Variants in HDAC4 observed in about 807,000 individuals in gnomAD.
HDAC4 encodes histone deacetylase 4.
In HDAC4, 16 loss-of-function variants were observed where a neutral mutation model predicts 135.1. The observed-to-expected ratio is 0.12, with a 90% CI of 0.08 to 0.18. The LOEUF is 0.18. Among genes scored for constraint, HDAC4 ranks in the 10% least tolerant of loss-of-function variants. The probability of loss-of-function intolerance (pLI) is 1.00; values close to 1 mark genes in which losing one functional copy is unlikely to be tolerated. For missense variants in HDAC4, 1,143 were observed against 1,511.8 expected (o/e 0.76, Z 4.05); for synonymous variants, 685 against 653.4 (o/e 1.05, Z -0.74).
intron 22 of HDAC4, among the ~76,000 whole-genome samples, chr2:239,080,570 A>G (rs2035212768): frequency 8.3e-6 from 1 of 120,738 alleles, no homozygotes; most frequent in Non-Finnish European, 1.7e-5. Context: ...TTGATGACAA[A>G]AGCAAACACT....
At chr2:239,153,335 TA>T (rs1332109219) in intron 7 of HDAC4, among the ~76,000 whole-genome samples, 1 of 152,248 alleles carries the variant, frequency 6.6e-6, no homozygotes, top group African/African-American at 2.4e-5. Flanking sequence ...TAAGTTAATG[TA>T]AAATCAAAAT....
chr2:239,259,270 G>A (rs1365951778), intron 2 of HDAC4, among the ~76,000 whole-genome samples: 1 of 152,176 alleles, frequency 6.6e-6, no homozygotes, highest in Non-Finnish European at 1.5e-5. Context: ...GCAACAAGGT[G>A]AAACCCTGTC....
At chr2:239,117,862 T>A (rs1452590680) in intron 12 of HDAC4, among the ~76,000 whole-genome samples, 1 of 152,132 alleles carries the variant, frequency 6.6e-6, no homozygotes, top group Non-Finnish European at 1.5e-5. Context: ...CGGCACCGCA[T>A]CCGACTGTTT....
rs114860614 is a variant in HDAC4, at chr2:239,084,181, C to T, written c.2506G>A (p.Val836Met). ...AAKLLQQRLSVSKILIVDWDV... is the reference protein window; with the variant it reads ...AAKLLQQRLSMSKILIVDWDV... ...CAGTCCACGATGAGGATCTTGCTCACGCTCAACCTCTGCTGCAGAAGCTTG... is the reference window on the plus strand; with the variant it reads ...CAGTCCACGATGAGGATCTTGCTCATGCTCAACCTCTGCTGCAGAAGCTTG... Residue 836 changes from valine (V) to methionine (M), a missense_variant, in exon 20 of 27, where the codon GTG becomes ATG. Transcript: ENST00000543185. 324 of 1,613,422 alleles carry T rather than the reference C, an allele frequency of 2.0e-4. 1 individual carries two copies. In the East Asian group the frequency reaches 5.5e-3, roughly 27 times the overall value.
chr2:239,202,399 G>A (rs542622273), intron 3 of HDAC4, among the ~76,000 whole-genome samples: 1 of 152,344 alleles, frequency 6.6e-6, no homozygotes, highest in Non-Finnish European at 1.5e-5. Context: ...CTGGAGACAG[G>A]CAAAGTGGGG....
chr2:239,202,012 C>T (rs972555310), intron 3 of HDAC4, among the ~76,000 whole-genome samples: 2 of 152,202 alleles, frequency 1.3e-5, no homozygotes, highest in Non-Finnish European at 2.9e-5. Context: ...TTGGCAGGAT[C>T]TTTCCCCAGC....
chr2:239,205,614 A>C (rs2045996349), intron 3 of HDAC4, among the ~76,000 whole-genome samples: 1 of 152,024 alleles, frequency 6.6e-6, no homozygotes, highest in Admixed American at 6.6e-5. Flanking sequence ...TGAGCAAAGA[A>C]CTGGGGGCTA....
intron 2 of HDAC4, among the ~76,000 whole-genome samples, chr2:239,332,920 G>A (rs1559368905): frequency 6.6e-6 from 1 of 151,944 alleles, no homozygotes; most frequent in South Asian, 2.1e-4. Flanking sequence ...ATAATGAGAA[G>A]GTATTTAAAC....
At chr2:239,226,044 G>C (rs1016895953) in intron 3 of HDAC4, among the ~76,000 whole-genome samples, 29 of 152,266 alleles carry the variant, frequency 1.9e-4, no homozygotes, top group African/African-American at 5.1e-4. Context: ...GACAAGGGTC[G>C]GCAAAGAGCC....
intron 21 of HDAC4, 26 bp downstream of exon 21, chr2:239,082,076 C>A (rs765812350): frequency 3.3e-5 from 53 of 1,613,434 alleles, no homozygotes; most frequent in Non-Finnish European, 4.3e-5. Flanking sequence ...CCTTTCCCCC[C>A]AGAGGCCCTT....
chr2:239,219,634 T>A (rs907413363), intron 3 of HDAC4, among the ~76,000 whole-genome samples: 2 of 151,522 alleles, frequency 1.3e-5, no homozygotes, highest in African/African-American at 4.9e-5. Context: ...TAAAATAAAA[T>A]AAAATAAAAT....
At chr2:239,354,316 G>A (rs1025521663) in intron 1 of HDAC4, among the ~76,000 whole-genome samples, 7 of 152,144 alleles carry the variant, frequency 4.6e-5, no homozygotes, top group African/African-American at 1.7e-4. Flanking sequence ...GGATGAGCCT[G>A]CTGCTCCCAG....
intron 1 of HDAC4, among the ~76,000 whole-genome samples, chr2:239,375,856 C>T (rs1694967769): frequency 6.6e-6 from 1 of 152,218 alleles, no homozygotes; most frequent in Non-Finnish European, 1.5e-5. Flanking sequence ...CCAGCCCAGG[C>T]CTCTTGCCGG....
chr2:239,182,382 A>T (rs1034667929), intron 4 of HDAC4, among the ~76,000 whole-genome samples: 1 of 151,438 alleles, frequency 6.6e-6, no homozygotes, highest in African/African-American at 2.4e-5. Flanking sequence ...ATGCAGTCTC[A>T]CAGTATCTAC....
chr2:239,395,296 G>A (rs1477462957), intron 1 of HDAC4, among the ~76,000 whole-genome samples: 2 of 152,182 alleles, frequency 1.3e-5, no homozygotes, highest in African/African-American at 2.4e-5. Context: ...GTCATGCCAG[G>A]GTTTCAAGCA....
chr2:239,294,464 G>A (rs1273746568), intron 2 of HDAC4, among the ~76,000 whole-genome samples: 1 of 152,190 alleles, frequency 6.6e-6, no homozygotes, highest in Non-Finnish European at 1.5e-5. Context: ...CTGCAAGGAG[G>A]TCGCGCCACT....
chr2:239,318,508 A>AC (rs1401322464), intron 2 of HDAC4, among the ~76,000 whole-genome samples: 1 of 152,134 alleles, frequency 6.6e-6, no homozygotes, highest in African/African-American at 2.4e-5. Flanking sequence ...ACATCACTAG[A>AC]CTATCAGCGA....
intron 24 of HDAC4, among the ~76,000 whole-genome samples, chr2:239,061,048 C>T (rs893245834): frequency 3.3e-5 from 5 of 152,226 alleles, no homozygotes; most frequent in African/African-American, 7.2e-5. Flanking sequence ...GAGGAGCAAG[C>T]GGGACACACG....
Position 239,139,631 on chromosome 2 carries a change from C to A in HDAC4, c.978+53G>T. On this transcript the variant is annotated intron_variant, in intron 9 of 26. Coordinates refer to ENST00000543185, the MANE Select transcript of HDAC4 (RefSeq NM_001378414.1). This position sits in a 1 kb window ranked among gnomAD's most constrained non-coding sequence, Gnocchi z 5.3. ...AAAGTGGGGTCATTTCAAGCTCATC[C>A]GTCCCGAGTCCGACTCTAGCCGTAG... is the stretch of plus-strand genomic sequence containing the variant. 1 of 1,489,732 alleles carries A rather than the reference C, an allele frequency of 6.7e-7. No individual in the cohort carries two copies. The highest frequency in any genetic ancestry group is 9.4e-7 in the Non-Finnish European group (1 of 1,066,668). The allele number at this position is 1,489,732 out of a possible 1,614,324, so 92.3% of individuals were successfully genotyped here.
Sources: gnomAD v4.1 joint callset for allele counts (sites outside exome capture counted in the v4.1 genomes callset) on GRCh38, gnomAD v4.1.1 for gene constraint, Gnocchi (gnomAD v3.1) non-coding constraint, MANE v1.5 for transcripts, NCBI Gene and HGNC (gene_info 2026-07-23, HGNC 2026-07-21) for gene names.